The following CSMD1 variants were observed in gnomAD, a reference collection of about 807,000 sequenced individuals.
The protein encoded by CSMD1 is CUB and Sushi multiple domains 1.
A neutral mutation model predicts 417.5 loss-of-function variants in CSMD1; 213 were observed. That is an observed-to-expected ratio of 0.51 (90% confidence interval 0.46 to 0.57). CSMD1 has a LOEUF of 0.57. Among genes scored for constraint, CSMD1 ranks in the 20% least tolerant of loss-of-function variants. The pLI is 0.00. For missense variants in CSMD1, 6,923 were observed against 4,529.7 expected (o/e 1.53, Z -15.17); for synonymous variants, 2,862 against 1,736.8 (o/e 1.65, Z -16.11).
At chr8:4,098,765 G>T (rs1297204898) in intron 3 of CSMD1, among the ~76,000 whole-genome samples, 1 of 152,034 alleles carries the variant, frequency 6.6e-6, no homozygotes, top group Non-Finnish European at 1.5e-5. Flanking sequence ...TGTCAGACAG[G>T]GATAGAATTG....
chr8:3,281,957 C>T (rs1442328792), intron 26 of CSMD1, among the ~76,000 whole-genome samples: 2 of 152,132 alleles, frequency 1.3e-5, no homozygotes, highest in African/African-American at 4.8e-5. Flanking sequence ...GCACCTTCCG[C>T]TTCACTCTGT....
At chr8:4,044,884 C>G (rs1343748860) in intron 3 of CSMD1, among the ~76,000 whole-genome samples, 1 of 152,234 alleles carries the variant, frequency 6.6e-6, no homozygotes, top group African/African-American at 2.4e-5. Context: ...TTGCAGCCCT[C>G]AGGCCCAGAC....
At chr8:4,178,466 C>T (rs1467033477) in intron 3 of CSMD1, among the ~76,000 whole-genome samples, 2 of 151,156 alleles carry the variant, frequency 1.3e-5, no homozygotes, top group African/African-American at 4.9e-5. Context: ...AAACCCACAG[C>T]CAATATCATA....
chr8:3,275,698 C>G (rs74611840), intron 26 of CSMD1, among the ~76,000 whole-genome samples: 1 of 151,918 alleles, frequency 6.6e-6, no homozygotes, highest in Admixed American at 6.6e-5. Flanking sequence ...ATCACTGATA[C>G]CATTTCTTCC....
intron 23 of CSMD1, among the ~76,000 whole-genome samples, chr8:3,334,627 T>C (rs531894439): frequency 6.6e-6 from 1 of 152,372 alleles, no homozygotes; most frequent in South Asian, 2.1e-4. Context: ...GAATTAGTCG[T>C]CAATATCAGA....
chr8:3,680,504 G>C (rs757075587), intron 7 of CSMD1, among the ~76,000 whole-genome samples: 8 of 152,270 alleles, frequency 5.3e-5, no homozygotes, highest in Non-Finnish European at 1.2e-4. Context: ...TTGAATCTCT[G>C]AATAGACCAA....
At chr8:3,789,797 C>G (rs774003656) in intron 5 of CSMD1, among the ~76,000 whole-genome samples, 1 of 135,752 alleles carries the variant, frequency 7.4e-6, no homozygotes, top group Non-Finnish European at 1.5e-5. Flanking sequence ...GCGGTGCTAT[C>G]TTGGCTCACT....
chr8:4,449,948 G>T (rs1033710709), intron 2 of CSMD1, among the ~76,000 whole-genome samples: 1 of 152,146 alleles, frequency 6.6e-6, no homozygotes, highest in Non-Finnish European at 1.5e-5. Context: ...GCTCAATTTT[G>T]CTCTTTTTCT....
intron 5 of CSMD1, among the ~76,000 whole-genome samples, chr8:3,909,591 C>T (rs984281292): frequency 1.3e-5 from 2 of 152,058 alleles, no homozygotes; most frequent in Non-Finnish European, 1.5e-5. Flanking sequence ...AGAGGGAAAA[C>T]TTCTAATAAG....
chr8:4,940,094 C>T (rs1184349353), intron 1 of CSMD1, among the ~76,000 whole-genome samples: 2 of 152,126 alleles, frequency 1.3e-5, no homozygotes, highest in Admixed American at 1.3e-4. Context: ...TGCATGTGAA[C>T]TACCGGGGGC....
At chr8:3,747,401 T>C (rs1377753720) in intron 6 of CSMD1, among the ~76,000 whole-genome samples, 2 of 149,940 alleles carry the variant, frequency 1.3e-5, no homozygotes, top group African/African-American at 4.8e-5. Context: ...CACAGAAATA[T>C]TATGTAGACA....
At chr8:4,719,355 C>A (rs544058426) in intron 1 of CSMD1, among the ~76,000 whole-genome samples, 1 of 152,272 alleles carries the variant, frequency 6.6e-6, no homozygotes, top group African/African-American at 2.4e-5. Context: ...CGTGCCAATG[C>A]GCTTGAGCCT....
In CSMD1 at chr8:3,317,604, T is replaced by C. The variant is rs530839898; in HGVS notation, c.3632-9101A>G. 6.6e-5 allele frequency among the ~76,000 whole-genome samples: 10 copies of C among 152,326 alleles called. 1 individual carries two copies. Among genetic ancestry groups the C allele is most frequent in the Admixed American group, 6.5e-4 (10 of 15,302 alleles). ...CTTAATTTTGTTTTGTTTTGTTTAA[T>C]AGGAACTTCTGTGTGATTGTGTAAG... On this transcript the variant is annotated intron_variant, in intron 23 of 69. Coordinates refer to ENST00000635120, the MANE Select transcript of CSMD1 (RefSeq NM_033225.6).
chr8:3,887,730 G>A (rs1806661317), intron 5 of CSMD1, among the ~76,000 whole-genome samples: 1 of 152,158 alleles, frequency 6.6e-6, no homozygotes, highest in South Asian at 2.1e-4. Context: ...TTGATCTGTG[G>A]ATAGAAAAAA....
chr8:4,472,366 A>G (rs549131224), intron 2 of CSMD1, among the ~76,000 whole-genome samples: 1 of 152,212 alleles, frequency 6.6e-6, no homozygotes, highest in Admixed American at 6.5e-5. Flanking sequence ...TTCATCCATC[A>G]CTTGATCTGT....
At chr8:4,327,900 G>C (rs1289891406) in intron 3 of CSMD1, among the ~76,000 whole-genome samples, 1 of 152,080 alleles carries the variant, frequency 6.6e-6, no homozygotes, top group Non-Finnish European at 1.5e-5. Context: ...TTTGCTTCCA[G>C]GTCCCTAATT....
chr8:4,741,504 T>C (rs998448423), intron 1 of CSMD1, among the ~76,000 whole-genome samples: 27 of 152,204 alleles, frequency 1.8e-4, no homozygotes, highest in African/African-American at 6.5e-4. Flanking sequence ...GTAGAATCCG[T>C]AAGCATGATC....
At chr8:4,926,256 T>G (rs1806863231) in intron 1 of CSMD1, among the ~76,000 whole-genome samples, 1 of 152,190 alleles carries the variant, frequency 6.6e-6, no homozygotes, top group Non-Finnish European at 1.5e-5. Context: ...AATGAATAAA[T>G]GGATGTATCA....
chr8:4,319,659 G>A (rs1282789498), intron 3 of CSMD1, among the ~76,000 whole-genome samples: 1 of 152,112 alleles, frequency 6.6e-6, no homozygotes, highest in Non-Finnish European at 1.5e-5. Flanking sequence ...CCTGGAAAGA[G>A]AGGCCAGGGA....
Sources: gnomAD v4.1 joint callset for allele counts (sites outside exome capture counted in the v4.1 genomes callset) on GRCh38, gnomAD v4.1.1 for gene constraint, MANE v1.5 for transcripts, NCBI Gene and HGNC (gene_info 2026-07-23, HGNC 2026-07-21) for gene names.